The following THEMIS variants were observed in gnomAD, a reference collection of about 807,000 sequenced individuals.
THEMIS encodes the protein thymocyte selection associated, also known as protein THEMIS.
In THEMIS, 37 loss-of-function variants were observed where a neutral mutation model predicts 52.6. That is an observed-to-expected ratio of 0.70 (90% CI 0.54 to 0.93). The LOEUF is 0.93. Among genes scored for constraint, THEMIS ranks in the 40% least tolerant of loss-of-function variants. The pLI, the probability that THEMIS is intolerant of heterozygous loss-of-function variation, is 0.00. For missense variants in THEMIS, 808 were observed against 763.1 expected, an observed-to-expected ratio of 1.06 and a Z score of -0.69; for synonymous variants, 292 against 272.7, an observed-to-expected ratio of 1.07 and a Z score of -0.70.
chr6:127,885,473 A>T (rs1224996029), intron 1 of THEMIS, among the ~76,000 whole-genome samples: 1 of 152,114 alleles, frequency 6.6e-6, no homozygotes, highest in Non-Finnish European at 1.5e-5. Context: ...TACTGATAAA[A>T]AATAAAAAAA....
At chr6:127,858,802 A>C (rs910393663) in intron 1 of THEMIS, among the ~76,000 whole-genome samples, 2 of 152,142 alleles carry the variant, frequency 1.3e-5, no homozygotes, top group Non-Finnish European at 2.9e-5. Context: ...TATCCAAGTC[A>C]AAGCATATGT....
chr6:127,811,255 A>G (rs902149494), intron 4 of THEMIS, among the ~76,000 whole-genome samples: 3 of 152,164 alleles, frequency 2.0e-5, no homozygotes, highest in Admixed American at 6.5e-5. Flanking sequence ...TTACAGTCCT[A>G]TAGGTTAGTA....
chr6:127,914,695 C>T (rs995814037), intron 1 of THEMIS, among the ~76,000 whole-genome samples: 1 of 152,126 alleles, frequency 6.6e-6, no homozygotes, highest in Non-Finnish European at 1.5e-5. Context: ...TGTAGTCCAT[C>T]GTTGACCAAA....
intron 1 of THEMIS, among the ~76,000 whole-genome samples, chr6:127,881,890 A>T (rs1028108805): frequency 6.6e-6 from 1 of 151,846 alleles, no homozygotes; most frequent in African/African-American, 2.4e-5. Flanking sequence ...TTTTAAAAAT[A>T]TAATGGCTAC....
chr6:127,825,242 T>C (rs1045159184), intron 3 of THEMIS, among the ~76,000 whole-genome samples: 11 of 151,972 alleles, frequency 7.2e-5, no homozygotes, highest in African/African-American at 2.7e-4. Flanking sequence ...TATAATTGAG[T>C]GGACATTATC....
At chr6:127,708,019 G>C (rs940334834), downstream of THEMIS, 3 of 152,080 alleles carry the variant, frequency 2.0e-5, no homozygotes, top group African/African-American at 7.2e-5. Context: ...GCTCAGCACT[G>C]TAAGTCCATA....
intron 1 of THEMIS, among the ~76,000 whole-genome samples, chr6:127,911,745 A>G (rs1781416661): frequency 6.6e-6 from 1 of 151,478 alleles, no homozygotes; most frequent in Non-Finnish European, 1.5e-5. Flanking sequence ...TGGAAATGCC[A>G]GGATGTCCAG....
intron 1 of THEMIS, among the ~76,000 whole-genome samples, chr6:127,857,541 A>G (rs1779657360): frequency 6.6e-6 from 1 of 152,054 alleles, no homozygotes; most frequent in South Asian, 2.1e-4. Flanking sequence ...ATCAATAAAT[A>G]AAAAAGCAAT....
intron 1 of THEMIS, among the ~76,000 whole-genome samples, chr6:127,889,077 G>A (rs1483240465): frequency 1.3e-5 from 2 of 152,076 alleles, no homozygotes; most frequent in Non-Finnish European, 2.9e-5. Context: ...GGTACAGGTG[G>A]ATGAGGACAT....
intron 1 of THEMIS, among the ~76,000 whole-genome samples, chr6:127,895,806 C>T (rs992169747): frequency 2.0e-5 from 3 of 151,390 alleles, no homozygotes; most frequent in South Asian, 2.1e-4. Context: ...AGCGATAACA[C>T]CAAAGTTACA....
chr6:127,726,002 C>T (rs1161713679), intron 4 of THEMIS, among the ~76,000 whole-genome samples: 1 of 152,086 alleles, frequency 6.6e-6, no homozygotes, highest in Non-Finnish European at 1.5e-5. Flanking sequence ...TTTGTTAGTG[C>T]TCCTCCTCCC....
At chr6:127,872,099 T>C (rs891894357) in intron 1 of THEMIS, among the ~76,000 whole-genome samples, 8 of 152,184 alleles carry the variant, frequency 5.3e-5, no homozygotes, top group African/African-American at 1.9e-4. Flanking sequence ...AAAAGAATTA[T>C]ACACCATGAC....
In THEMIS at chr6:127,813,667, C is replaced by T. The variant is rs1778019198; in HGVS notation, c.974G>A (p.Ser325Asn). The T allele has an allele frequency of 6.2e-7, 1 of 1,613,954 alleles. No homozygotes were observed. The highest frequency in any genetic ancestry group is 1.7e-5 in the Admixed American group (1 of 59,970). Residue 325 changes from serine to asparagine, a missense_variant, in exon 4 of 6, where the codon AGC becomes AAC. Coordinates refer to ENST00000368248, the MANE Select transcript of THEMIS (RefSeq NM_001010923.3). Reference protein sequence around the residue: ...ASRILASEIRSNFPKRHFLIP... With the variant: ...ASRILASEIRNNFPKRHFLIP... ...CAAGAAGTGTCTTTTAGGAAAATTG[C>T]TTCTAATTTCTGAAGCTAAGATTCT...
intron 4 of THEMIS, among the ~76,000 whole-genome samples, chr6:127,732,947 G>A (rs1371683194): frequency 5.9e-5 from 9 of 152,130 alleles, no homozygotes; most frequent in African/African-American, 1.4e-4. Flanking sequence ...CTCTCTACAC[G>A]GGTATGTGAA....
intron 2 of THEMIS, among the ~76,000 whole-genome samples, chr6:127,835,818 C>T (rs1468327699): frequency 6.6e-6 from 1 of 152,144 alleles, no homozygotes; most frequent in East Asian, 1.9e-4. Flanking sequence ...CCTCAGGTGA[C>T]CTCTTTAGGT....
At chr6:127,883,976 C>A (rs2114441104) in intron 1 of THEMIS, among the ~76,000 whole-genome samples, 1 of 152,224 alleles carries the variant, frequency 6.6e-6, no homozygotes, top group Admixed American at 6.5e-5. Flanking sequence ...AAGAACATGG[C>A]ACACTGCCCG....
At chr6:127,735,115 T>A (rs1181104473) in intron 4 of THEMIS, among the ~76,000 whole-genome samples, 1 of 151,600 alleles carries the variant, frequency 6.6e-6, no homozygotes, top group East Asian at 1.9e-4. Flanking sequence ...GACGAAAATT[T>A]TAGAGACTTG....
intron 2 of THEMIS, among the ~76,000 whole-genome samples, chr6:127,850,736 G>C (rs962255780): frequency 6.6e-6 from 1 of 151,724 alleles, no homozygotes; most frequent in African/African-American, 2.4e-5. Context: ...ACTTAGCGGG[G>C]AAGGTTGGAA....
At chr6:127,712,540 T>G (rs944334935) in intron 5 of THEMIS, among the ~76,000 whole-genome samples, 1 of 151,960 alleles carries the variant, frequency 6.6e-6, no homozygotes, top group East Asian at 1.9e-4. Context: ...CTTTTGGAAA[T>G]GTCACAAGTT....
Sources: gnomAD v4.1 joint callset for allele counts (sites outside exome capture counted in the v4.1 genomes callset) on GRCh38, gnomAD v4.1.1 for gene constraint, MANE v1.5 for transcripts, NCBI Gene and HGNC (gene_info 2026-07-23, HGNC 2026-07-21) for gene names.